The following NSD3 variants were observed in gnomAD, a reference collection of about 807,000 sequenced individuals.
NSD3 encodes histone-lysine N-methyltransferase NSD3.
A neutral mutation model predicts 160.8 loss-of-function variants in NSD3; 24 were observed. The ratio of observed to expected loss-of-function variants is 0.15; its 90% CI spans 0.11 to 0.21. The LOEUF is 0.21. NSD3 is among the 10% of genes least tolerant of loss of function. The pLI is 1.00. For synonymous variants in NSD3, 520 were observed against 600.0 expected (o/e 0.87, Z 1.95); for missense variants, 1,157 against 1,735.9 (o/e 0.67, Z 5.93).
Position 38,275,420 on chromosome 8 carries a change from C to A in NSD3, c.*221G>T. The A allele has an allele frequency of 3.9e-6, 2 of 510,354 alleles. No homozygotes were observed. The highest frequency in any genetic ancestry group is 3.0e-5 in the South Asian group (1 of 32,880). The allele number at this position is 510,354 out of a possible 1,614,324, so 31.6% of individuals were successfully genotyped here. ...AGCACAATAAAAGGCAAGAAAAGAC[C>A]AAGGGAATTTAACCCTCCACAAAAG... is the stretch of plus-strand genomic sequence containing the variant. On this transcript the variant is annotated 3_prime_UTR_variant, in exon 24 of 24. Transcript: ENST00000317025.
Position 38,288,074 on chromosome 8 carries a change from C to T in NSD3, c.3501+413G>A, listed in dbSNP as rs548941453. On this transcript the variant is annotated intron_variant, in intron 19 of 23. Coordinates refer to ENST00000317025, the MANE Select transcript of NSD3 (RefSeq NM_023034.2). The surrounding 1 kb of genome is among the most constrained non-coding windows in gnomAD (Gnocchi z 4.5). ...TGTAGTGAGACCCTATCCAGCTACT[C>T]GGGAGGCTGAAGTGGGAGGATCTCT... Among the ~76,000 whole-genome samples, 1 of 152,012 alleles carries T rather than the reference C, an allele frequency of 6.6e-6. No individual in the cohort carries two copies. The highest frequency in any genetic ancestry group is 2.1e-4 in the South Asian group (1 of 4,808).
At chr8:38,355,841 AC>A (rs1484880104) in intron 1 of NSD3, among the ~76,000 whole-genome samples, 1 of 152,186 alleles carries the variant, frequency 6.6e-6, no homozygotes, top group African/African-American at 2.4e-5. Flanking sequence ...TTCACAGAAC[AC>A]CCCTTTGAGG....
At position 38,316,755 on chromosome 8, in the gene NSD3, A is replaced by C. The variant is rs1006123804; in HGVS notation, c.1856-713T>G. 6.4e-5 allele frequency: 68 copies of C among 1,058,568 alleles called. 1 individual carries two copies. Among genetic ancestry groups the C allele is most frequent in the Middle Eastern group, 8.4e-4 (2 of 2,382 alleles). The allele number at this position is 1,058,568 out of a possible 1,614,324, so 65.6% of individuals were successfully genotyped here. On this transcript the variant is annotated intron_variant, in intron 9 of 23. Transcript: ENST00000317025. The surrounding 1 kb of genome is among the most constrained non-coding windows in gnomAD (Gnocchi z 4.5). ...GCTGGATGGGAAGGCCTCTATGTGG[A>C]ATTTGTGCGGGAAGAAATAAATAGG...
In NSD3 at chr8:38,329,258, G is replaced by A; in HGVS notation, c.1581+120C>T. On this transcript the variant is annotated intron_variant, in intron 6 of 23. Transcript: ENST00000317025. The surrounding 1 kb of genome is among the most constrained non-coding windows in gnomAD (Gnocchi z 4.8). ...TGCCCACAGAGTACAATGACTGTAT[G>A]TTTCAAATTCAGTGGGTAGAAAGGG... is the stretch of plus-strand genomic sequence containing the variant. 3 of 1,225,364 alleles carry A rather than the reference G, an allele frequency of 2.4e-6. No individual in the cohort carries two copies. The South Asian group carries it at 4.8e-5, about 20-fold the overall frequency. 75.9% of individuals were successfully genotyped at this position (1,225,364 alleles called of 1,614,324 possible). A position where few individuals can be genotyped will look rare whatever the true frequency, so the allele number is the denominator to read the frequency against.
At position 38,317,366 on chromosome 8, in the gene NSD3, C is replaced by G; in HGVS notation, c.1856-1324G>C. On this transcript the variant is annotated intron_variant, in intron 9 of 23. Coordinates refer to ENST00000317025, the MANE Select transcript of NSD3 (RefSeq NM_023034.2). The surrounding 1 kb of genome is among the most constrained non-coding windows in gnomAD (Gnocchi z 5.3). The stretch of plus-strand genomic sequence containing the variant: ...CTGGTGTATGGACCCAGAACACCAT[C>G]ACAAAATATTTCCTTGGCCTAAAAG... 9.5e-7 allele frequency: 1 copy of G among 1,056,730 alleles called. No homozygotes were observed. Among genetic ancestry groups the G allele is most frequent in the Non-Finnish European group, 1.1e-6 (1 of 873,810 alleles). 65.5% of individuals were successfully genotyped at this position (1,056,730 alleles called of 1,614,324 possible).
Position 38,321,218 on chromosome 8 carries a change from C to A in NSD3, c.1709-46G>T, listed in dbSNP as rs1809790293. On this transcript the variant is annotated intron_variant, in intron 7 of 23. Transcript: ENST00000317025. The surrounding 1 kb of genome is among the most constrained non-coding windows in gnomAD (Gnocchi z 4.7). ...ACAAACAAAAACTCACTTAAGGATA[C>A]CTTGACATCTATGTAATTAAGATAT... is the stretch of plus-strand genomic sequence containing the variant. The A allele has an allele frequency of 6.7e-7, 1 of 1,492,874 alleles. No individual in the cohort carries two copies. Among genetic ancestry groups the A allele is most frequent in the Admixed American group, 1.8e-5 (1 of 55,900 alleles). 92.5% of individuals were successfully genotyped at this position (1,492,874 alleles called of 1,614,324 possible). A position where few individuals can be genotyped will look rare whatever the true frequency, so the allele number is the denominator to read the frequency against.
At chr8:38,281,604 T>C (rs764901091) in intron 19 of NSD3, 21 bp from the exon 20 acceptor site, 4 of 1,535,168 alleles carry the variant, frequency 2.6e-6, no homozygotes, top group Non-Finnish European at 3.6e-6. Flanking sequence ...ATGTGCAATA[T>C]GTAACTTAAA....
Position 38,329,447 on chromosome 8 carries a change from T to C in NSD3, c.1512A>G (p.Glu504=). 6.2e-7 allele frequency: 1 copy of C among 1,614,234 alleles called. No homozygotes were observed. Among genetic ancestry groups the C allele is most frequent in the Non-Finnish European group, 8.5e-7 (1 of 1,180,034 alleles). The part of the protein sequence containing the change: ...KCNMSPVVKI[E]QVFALQNATG... Reference sequence around the variant, plus strand: ...TAGCATTCTGAAGAGCAAACACTTGTTCAATTTTCACAACTGGAGACATGT... The same window carrying C: ...TAGCATTCTGAAGAGCAAACACTTGCTCAATTTTCACAACTGGAGACATGT... Residue 504 remains glutamate, a synonymous_variant, in exon 6 of 24, where the codon GAA becomes GAG. Coordinates refer to ENST00000317025, the MANE Select transcript of NSD3 (RefSeq NM_023034.2). The surrounding 1 kb of genome is among the most constrained non-coding windows in gnomAD (Gnocchi z 4.8).
rs745442904 is a variant in NSD3, at chr8:38,331,566, G to A, written c.930C>T (p.Val310=). The change falls in exon 5 of 24, where the codon GTC becomes GTT. Residue 310 remains valine (V), a synonymous_variant. Coordinates refer to ENST00000317025, the MANE Select transcript of NSD3 (RefSeq NM_023034.2). ...TCTCTGGCTGGTTGCTAAAAAACTGGACATGATATTCTCGGGCACCTGTAA... is the reference window on the plus strand; with the variant it reads ...TCTCTGGCTGGTTGCTAAAAAACTGAACATGATATTCTCGGGCACCTGTAA... The part of the protein sequence containing the change: ...INTRGAREYH[V]QFFSNQPERA... The A allele has an allele frequency of 7.4e-6, 12 of 1,612,854 alleles. No homozygotes were observed. Among genetic ancestry groups the A allele is most frequent in the Non-Finnish European group, 1.0e-5 (12 of 1,179,570 alleles).
chr8:38,342,952 G>T (rs1210871694), intron 2 of NSD3, among the ~76,000 whole-genome samples: 1 of 152,010 alleles, frequency 6.6e-6, no homozygotes, highest in East Asian at 1.9e-4. Flanking sequence ...AGAACTTTGG[G>T]AGGCCAAGGT....
At chr8:38,320,984 G>A in intron 8 of NSD3, 88 bp downstream of exon 8, 2 of 1,284,502 alleles carry the variant, frequency 1.6e-6, no homozygotes, top group Admixed American at 1.8e-5. Context: ...TCAGTGTGGG[G>A]GAAAGTTTCT....
Position 38,368,268 on chromosome 8 carries a change from T to C in NSD3, c.-45+13531A>G, listed in dbSNP as rs11993397. On this transcript the variant is annotated intron_variant, in intron 1 of 23. Transcript: ENST00000317025. ...AGCCACTGCACCAGGCAGCAAATTA[T>C]CTGTAAAGAATAACTGTGCTACTCC... is the stretch of plus-strand genomic sequence containing the variant. Among the ~76,000 whole-genome samples the C allele has an allele frequency of 1.7e-3, 262 of 152,336 alleles. 3 individuals carry two copies. Among genetic ancestry groups the C allele is most frequent in the African/African-American group, 5.8e-3 (241 of 41,590 alleles).
At chr8:38,377,513 A>G (rs561505035) in intron 1 of NSD3, among the ~76,000 whole-genome samples, 2 of 151,716 alleles carry the variant, frequency 1.3e-5, no homozygotes, top group South Asian at 4.2e-4. Flanking sequence ...ACACCTGGCT[A>G]ATTTTTGTAT....
intron 1 of NSD3, among the ~76,000 whole-genome samples, chr8:38,373,848 A>T (rs1281010544): frequency 6.6e-6 from 1 of 151,068 alleles, no homozygotes. Flanking sequence ...CTATAATCCC[A>T]ACACTTTGGG....
At chr8:38,362,845 GAACAT>G (rs1475777709) in intron 1 of NSD3, among the ~76,000 whole-genome samples, 1 of 152,136 alleles carries the variant, frequency 6.6e-6, no homozygotes, top group East Asian at 1.9e-4. Context: ...CATCACTGTA[GAACAT>G]AACACATGAT....
intron 15 of NSD3, among the ~76,000 whole-genome samples, chr8:38,296,672 CTCTG>C (rs1397378918): frequency 8.6e-6 from 1 of 115,906 alleles, no homozygotes; most frequent in African/African-American, 3.1e-5. Flanking sequence ...CTCTCTCTCC[CTCTG>C]TGTGTGTGTG....
intron 12 of NSD3, among the ~76,000 whole-genome samples, chr8:38,310,486 T>C (rs1242513201): frequency 1.3e-5 from 2 of 152,308 alleles, no homozygotes; most frequent in East Asian, 3.9e-4. Flanking sequence ...TGAATATGAA[T>C]ATGACAGTAC....
At chr8:38,337,647 C>G in intron 3 of NSD3, 180 bp from the exon 4 acceptor site, 1 of 398,830 alleles carries the variant, frequency 2.5e-6, no homozygotes, top group Non-Finnish European at 4.3e-6. Context: ...AAAATGCTAA[C>G]AATGTAATTT....
At chr8:38,339,724 CAA>C (rs1232259132) in intron 2 of NSD3, among the ~76,000 whole-genome samples, 21 of 107,132 alleles carry the variant, frequency 2.0e-4, no homozygotes, top group Admixed American at 4.9e-4. Flanking sequence ...GACTCCATCT[CAA>C]AAAAAAAAAA....
Sources: gnomAD v4.1 joint callset for allele counts (sites outside exome capture counted in the v4.1 genomes callset) on GRCh38, gnomAD v4.1.1 for gene constraint, Gnocchi (gnomAD v3.1) non-coding constraint, MANE v1.5 for transcripts, NCBI Gene and HGNC (gene_info 2026-07-23, HGNC 2026-07-21) for gene names.